Variants in GNA13 observed in about 807,000 individuals in gnomAD.
GNA13 encodes guanine nucleotide-binding protein subunit alpha-13.
Under a neutral mutation model 33.5 loss-of-function variants are expected in GNA13, and 4 were observed. The ratio of observed to expected loss-of-function variants is 0.12; its 90% CI spans 0.06 to 0.27. GNA13 has a LOEUF of 0.27. Ranked by LOEUF, GNA13 falls within the 10% of genes least tolerant of loss-of-function variation. GNA13 has a pLI of 1.00. For synonymous variants in GNA13, 176 were observed against 183.8 expected, an observed-to-expected ratio of 0.96 and a Z score of 0.34; for missense variants, 319 against 487.2, an observed-to-expected ratio of 0.65 and a Z score of 3.25.
At chr17:65,049,083 T>A (rs1907770694) in intron 2 of GNA13, among the ~76,000 whole-genome samples, 1 of 152,174 alleles carries the variant, frequency 6.6e-6, no homozygotes, top group South Asian at 2.1e-4. Context: ...AGGAACTTAA[T>A]GTAGAATTAA....
intron 2 of GNA13, among the ~76,000 whole-genome samples, chr17:65,035,837 A>G (rs1907228475): frequency 6.6e-6 from 1 of 152,120 alleles, no homozygotes; most frequent in Admixed American, 6.6e-5. Flanking sequence ...AAAAAGAAAA[A>G]AAGTATATGC....
At chr17:65,027,536 A>G (rs1199664577) in intron 2 of GNA13, among the ~76,000 whole-genome samples, 1 of 152,036 alleles carries the variant, frequency 6.6e-6, no homozygotes, top group Admixed American at 6.5e-5. Context: ...GTCATTTTCT[A>G]CCTCATATGC....
chr17:65,031,895 AAAGAGAG>A (rs1907040419), intron 2 of GNA13, among the ~76,000 whole-genome samples: 3 of 136,232 alleles, frequency 2.2e-5, no homozygotes, highest in Non-Finnish European at 4.7e-5. Flanking sequence ...AGAGAGAGAG[AAAGAGAG>A]AGAGAGAGAG....
At position 65,011,587 on chromosome 17, in the gene GNA13, C is replaced by T. The variant is rs1244784854; in HGVS notation, c.*2670G>A. The T allele has an allele frequency of 4.7e-6, 1 of 212,852 alleles. No homozygotes were observed. The highest frequency in any genetic ancestry group is 9.5e-6 in the Non-Finnish European group (1 of 105,056). 13.2% of individuals were successfully genotyped at this position (212,852 alleles called of 1,614,324 possible). On this transcript the variant is annotated 3_prime_UTR_variant, in exon 4 of 4. Coordinates refer to ENST00000439174, the MANE Select transcript of GNA13 (RefSeq NM_006572.6). ...TTGTTTTATAAGGCAACTGTATATA[C>T]ATTTCTTCAAGGTCAATGAAGACAC...
chr17:65,046,898 G>A (rs989920232), intron 2 of GNA13, among the ~76,000 whole-genome samples: 1 of 151,984 alleles, frequency 6.6e-6, no homozygotes, highest in Non-Finnish European at 1.5e-5. Flanking sequence ...TTCCAATTCC[G>A]GAAGCTTTAG....
intron 2 of GNA13, among the ~76,000 whole-genome samples, chr17:65,026,464 C>CT (rs1906788688): frequency 6.6e-6 from 1 of 152,176 alleles, no homozygotes; most frequent in Non-Finnish European, 1.5e-5. Context: ...CAAAACAGTA[C>CT]TCATTTTCAC....
In GNA13 at chr17:65,010,826, T is replaced by C. The variant is rs1459611899; in HGVS notation, c.*3431A>G. 1.4e-5 allele frequency: 3 copies of C among 210,250 alleles called. No homozygotes were observed. Among genetic ancestry groups the C allele is most frequent in the Non-Finnish European group, 2.9e-5 (3 of 103,338 alleles). The allele number at this position is 210,250 out of a possible 1,614,324, so 13.0% of individuals were successfully genotyped here. On this transcript the variant is annotated 3_prime_UTR_variant, in exon 4 of 4. Coordinates refer to ENST00000439174, the MANE Select transcript of GNA13 (RefSeq NM_006572.6). ...ACTGATATTTAGCCTTCTCATGACA[T>C]ACACAGAAATAACATTGCTACAAAC... is the stretch of plus-strand genomic sequence containing the variant.
chr17:65,027,305 CT>C (rs1906827502), intron 2 of GNA13, among the ~76,000 whole-genome samples: 1 of 112,510 alleles, frequency 8.9e-6, no homozygotes, highest in Middle Eastern at 4.8e-3. Context: ...CCTCACACCC[CT>C]CCCCCGCCTT....
intron 2 of GNA13, among the ~76,000 whole-genome samples, chr17:65,046,221 C>A (rs182862935): frequency 6.6e-6 from 1 of 151,870 alleles, no homozygotes; most frequent in African/African-American, 2.4e-5. Context: ...TGTTATAAAA[C>A]GTAAGATATT....
At chr17:65,026,317 C>A (rs1372758408) in intron 2 of GNA13, among the ~76,000 whole-genome samples, 2 of 152,004 alleles carry the variant, frequency 1.3e-5, no homozygotes, top group African/African-American at 4.8e-5. Flanking sequence ...GTCCCAATAC[C>A]AACATAATTG....
At chr17:65,028,787 C>T (rs1276985786) in intron 2 of GNA13, among the ~76,000 whole-genome samples, 2 of 152,144 alleles carry the variant, frequency 1.3e-5, no homozygotes, top group Non-Finnish European at 2.9e-5. Flanking sequence ...TTCAGCTCCA[C>T]ACCACCTTCT....
chr17:65,056,250 C>CCCTA, intron 1 of GNA13, 61 bp downstream of exon 1: 1 of 1,054,688 alleles, frequency 9.5e-7, no homozygotes, highest in Non-Finnish European at 1.4e-6. Context: ...CCCCGCCCCG[C>CCCTA]ACCCGCCGCC....
At chr17:65,018,092 T>A (rs1337630329) in intron 3 of GNA13, among the ~76,000 whole-genome samples, 161 bp downstream of exon 3, 6 of 21,506 alleles carry the variant, frequency 2.8e-4, no homozygotes, top group African/African-American at 8.3e-4. Context: ...ACGCCACCAC[T>A]AAAAAAAAAA....
At chr17:65,022,563 ACAATGT>A (rs1906621161) in intron 2 of GNA13, among the ~76,000 whole-genome samples, 2 of 152,232 alleles carry the variant, frequency 1.3e-5, no homozygotes, top group Non-Finnish European at 2.9e-5. Context: ...CTAGAAGAAT[ACAATGT>A]ATGCCAACAT....
chr17:65,015,906 C>G (rs1386072084), intron 3 of GNA13, among the ~76,000 whole-genome samples: 1 of 152,146 alleles, frequency 6.6e-6, no homozygotes, highest in African/African-American at 2.4e-5. Context: ...TCAAACTAGT[C>G]ACTTACTCTG....
chr17:65,037,933 A>G (rs1279919841), intron 2 of GNA13, among the ~76,000 whole-genome samples: 2 of 151,966 alleles, frequency 1.3e-5, no homozygotes, highest in Non-Finnish European at 2.9e-5. Flanking sequence ...CACCTCCTCA[A>G]TTTCTATCTC....
intron 2 of GNA13, among the ~76,000 whole-genome samples, chr17:65,038,762 T>A (rs1466132851): frequency 6.6e-6 from 1 of 152,178 alleles, no homozygotes; most frequent in Non-Finnish European, 1.5e-5. Flanking sequence ...CCACCAAGCA[T>A]CACAGCTTAG....
intron 2 of GNA13, among the ~76,000 whole-genome samples, chr17:65,044,539 G>A (rs1033601820): frequency 5.3e-5 from 8 of 151,816 alleles, no homozygotes; most frequent in African/African-American, 1.7e-4. Context: ...GGTGGCTCAC[G>A]CCTGTAGTCC....
chr17:65,047,222 T>C (rs1235186868), intron 2 of GNA13, among the ~76,000 whole-genome samples: 1 of 152,170 alleles, frequency 6.6e-6, no homozygotes, highest in East Asian at 1.9e-4. Context: ...AACTCAACTT[T>C]AAAATCTCTA....
Sources: gnomAD v4.1 joint callset for allele counts (sites outside exome capture counted in the v4.1 genomes callset) on GRCh38, gnomAD v4.1.1 for gene constraint, MANE v1.5 for transcripts, NCBI Gene and HGNC (gene_info 2026-07-23, HGNC 2026-07-21) for gene names.